Variants in LONRF2 observed in about 807,000 individuals in gnomAD.
LONRF2 encodes LON peptidase N-terminal domain and RING finger protein 2.
LONRF2 carries 35 observed loss-of-function variants against 66.6 expected under a neutral mutation model. The ratio of observed to expected loss-of-function variants is 0.53; its 90% confidence interval spans 0.40 to 0.70. The LOEUF (loss-of-function observed/expected upper bound fraction) is 0.70, where lower values mean the gene tolerates loss of function less well. LONRF2 is among the 30% of genes least tolerant of loss of function. LONRF2 has a pLI of 0.00. For synonymous variants in LONRF2, 417 were observed against 418.1 expected (o/e 1.00, Z 0.03); for missense variants, 902 against 1,002.1 (o/e 0.90, Z 1.35).
At position 100,294,353 on chromosome 2, in the gene LONRF2, T is replaced by C. The variant is rs1675022386; in HGVS notation, c.1633A>G (p.Met545Val). 1.3e-6 allele frequency: 2 copies of C among 1,600,002 alleles called. No homozygotes were observed. The highest frequency in any genetic ancestry group is 2.7e-5 in the African/African-American group (2 of 73,978). ...GGACATGGGACCGTGGGGAAGGCCA[T>C]GGCACACACAAAGATGGGGACGTCT... ...TRDVPIFVCA[M>V]AFPTVPCPLH... The change falls in exon 9 of 12, where the codon ATG (methionine) becomes GTG (valine). Residue 545 changes from methionine to valine, a missense_variant. Met to Val is a conservative substitution (Grantham distance 21). Coordinates refer to ENST00000393437, the MANE Select transcript of LONRF2 (RefSeq NM_198461.4).
chr2:100,282,560 C>G lies in LONRF2; in HGVS notation c.*1738G>C, dbSNP rs956649056. The G allele has an allele frequency of 3.3e-5, 5 of 152,158 alleles. No homozygotes were observed. The highest frequency in any genetic ancestry group is 4.8e-5 in the African/African-American group (2 of 41,428). The allele number at this position is 152,158 out of a possible 1,614,324, so 9.4% of individuals were successfully genotyped here. A position where few individuals can be genotyped will look rare whatever the true frequency, so the allele number is the denominator to read the frequency against. On this transcript the variant is annotated 3_prime_UTR_variant, in exon 12 of 12. Coordinates refer to ENST00000393437, the MANE Select transcript of LONRF2 (RefSeq NM_198461.4). ...CCAATCAATGAATGATTCAGTTATT[C>G]CAATCAAATGATCGGGTTAGGTTAT...
chr2:100,299,991 C>A, intron 4 of LONRF2, 73 bp from the exon 5 acceptor site: 1 of 819,130 alleles, frequency 1.2e-6, no homozygotes, highest in South Asian at 1.7e-5. Context: ...AATGCAGAAG[C>A]CTGTACTAGA....
chr2:100,302,844 A>C, intron 3 of LONRF2, 77 bp downstream of exon 3: 1 of 1,326,996 alleles, frequency 7.5e-7, no homozygotes. Context: ...TTTATTTCAC[A>C]TGCAAGGGTT....
intron 11 of LONRF2, 136 bp downstream of exon 11, chr2:100,286,778 G>T (rs748011597): frequency 2.2e-6 from 2 of 927,306 alleles, no homozygotes; most frequent in Non-Finnish European, 3.2e-6. Context: ...CCTTTGGGCT[G>T]TTAGTAGATG....
chr2:100,319,794 G>A (rs1025338271), intron 1 of LONRF2, among the ~76,000 whole-genome samples: 8 of 152,132 alleles, frequency 5.3e-5, no homozygotes, highest in South Asian at 2.1e-4. Context: ...CTCTAACAAT[G>A]ACATACACTC....
At position 100,321,378 on chromosome 2, in the gene LONRF2, G is replaced by T. The variant is rs539117094; in HGVS notation, c.679+37C>A. 1.1e-4 allele frequency: 156 copies of T among 1,396,846 alleles called. No homozygotes were observed. In the South Asian group the frequency reaches 2.3e-3, roughly 21 times the overall value. The allele number at this position is 1,396,846 out of a possible 1,614,324, so 86.5% of individuals were successfully genotyped here. A position where few individuals can be genotyped will look rare whatever the true frequency, so the allele number is the denominator to read the frequency against. ...CCCACCCCGCTGCTGGGCCGGACAG[G>T]TGTAGGGGAGGCGGACCCGCCCCGC... On this transcript the variant is annotated intron_variant, in intron 1 of 11. Coordinates refer to ENST00000393437, the MANE Select transcript of LONRF2 (RefSeq NM_198461.4).
chr2:100,305,856 TG>T (rs1451610534), intron 2 of LONRF2, among the ~76,000 whole-genome samples: 1 of 152,156 alleles, frequency 6.6e-6, no homozygotes, highest in Non-Finnish European at 1.5e-5. Flanking sequence ...TTACATAATT[TG>T]GAAAGTCTGT....
In LONRF2 at chr2:100,281,943, G is replaced by A; in HGVS notation, c.*2355C>T. Reference sequence around the variant, plus strand: ...CTTCATGATATGACCGTAGGATGCTGTCACCCTGACCCGGTTCCTGATGCG... The same window carrying A: ...CTTCATGATATGACCGTAGGATGCTATCACCCTGACCCGGTTCCTGATGCG... On this transcript the variant is annotated 3_prime_UTR_variant, in exon 12 of 12. Coordinates refer to ENST00000393437, the MANE Select transcript of LONRF2 (RefSeq NM_198461.4). The A allele has an allele frequency of 6.6e-6, 1 of 151,650 alleles. No individual in the cohort carries two copies. The highest frequency in any genetic ancestry group is 2.4e-5 in the African/African-American group (1 of 41,282). The allele number at this position is 151,650 out of a possible 1,614,324, so 9.4% of individuals were successfully genotyped here. A position where few individuals can be genotyped will look rare whatever the true frequency, so the allele number is the denominator to read the frequency against.
Position 100,295,517 on chromosome 2 carries a change from C to T in LONRF2, c.1513G>A (p.Ala505Thr), listed in dbSNP as rs1356473239. Residue 505 changes from alanine (A) to threonine (T), a missense_variant, in exon 8 of 12, where the codon GCC becomes ACC. Physicochemically the swap from Ala to Thr is moderately conservative, Grantham distance 58. Coordinates refer to ENST00000393437, the MANE Select transcript of LONRF2 (RefSeq NM_198461.4). Reference protein sequence around the residue: ...ASRNFNITVLAEELIFRYLPD... With the variant: ...ASRNFNITVLTEELIFRYLPD... ...AAATATCGAAATATTAATTCTTCGG[C>T]CAGAACAGTTATGTTAAAGTTTCTG... 14 of 1,613,384 alleles carry T rather than the reference C, an allele frequency of 8.7e-6. No individual in the cohort carries two copies. Among genetic ancestry groups the T allele is most frequent in the Non-Finnish European group, 1.2e-5 (14 of 1,179,776 alleles).
intron 7 of LONRF2, among the ~76,000 whole-genome samples, chr2:100,295,831 A>G (rs1675055664): frequency 6.6e-6 from 1 of 152,184 alleles, no homozygotes; most frequent in Non-Finnish European, 1.5e-5. Flanking sequence ...TGTTGGTGAG[A>G]GGGGAGGAAG....
intron 2 of LONRF2, among the ~76,000 whole-genome samples, chr2:100,307,977 GATTTCTGAGCTTAGTCCAACAA>G (rs1321547607): frequency 3.3e-5 from 5 of 152,296 alleles, no homozygotes; most frequent in Admixed American, 2.6e-4. Context: ...CAACAAAATA[GATTTCTGAGCTTAGTCCAACAA>G]ACATCTGCTT....
At position 100,294,356 on chromosome 2, in the gene LONRF2, C is replaced by T. The variant is rs1675022471; in HGVS notation, c.1630G>A (p.Ala544Thr). The T allele has an allele frequency of 6.3e-7, 1 of 1,598,852 alleles. No homozygotes were observed. Among genetic ancestry groups the T allele is most frequent in the African/African-American group, 1.4e-5 (1 of 73,892 alleles). Residue 544 changes from alanine (A) to threonine (T), a missense_variant, in exon 9 of 12, where the codon GCC becomes ACC. Around this residue, in one of 2 missense-constraint regions of LONRF2, gnomAD observed 317 missense variants for 432.2 expected, o/e 0.73. Transcript: ENST00000393437. ...CATGGGACCGTGGGGAAGGCCATGG[C>T]ACACACAAAGATGGGGACGTCTCTG... ...LTRDVPIFVC[A>T]MAFPTVPCPL...
intron 9 of LONRF2, among the ~76,000 whole-genome samples, 154 bp from the exon 10 acceptor site, chr2:100,290,574 G>T (rs913816244): frequency 1.5e-4 from 23 of 152,176 alleles, no homozygotes; most frequent in Non-Finnish European, 2.9e-5. Flanking sequence ...TAAGAGACAC[G>T]TGCACATGGT....
intron 10 of LONRF2, among the ~76,000 whole-genome samples, chr2:100,287,433 T>C (rs1193192954): frequency 1.3e-5 from 2 of 152,194 alleles, no homozygotes; most frequent in Non-Finnish European, 2.9e-5. Flanking sequence ...ATATAAACAT[T>C]TATGGAAAAG....
chr2:100,316,895 C>T (rs1675520118), intron 1 of LONRF2, among the ~76,000 whole-genome samples: 1 of 152,142 alleles, frequency 6.6e-6, no homozygotes. Flanking sequence ...TATTATTACA[C>T]ATTTTTTTTC....
In LONRF2 at chr2:100,321,767, G is replaced by T; in HGVS notation, c.327C>A (p.Arg109=). The change falls in exon 1 of 12, where the codon CGC becomes CGA. Residue 109 remains arginine, a synonymous_variant. Transcript: ENST00000393437. The part of the protein sequence containing the change: ...AGGLVRAVGL[R]DRPLSAENPG... ...GGTTCTCCGCGGACAGCGGCCGGTC[G>T]CGCAGGCCCACGGCGCGCACCAGGC... The T allele has an allele frequency of 9.6e-7, 1 of 1,037,794 alleles. No homozygotes were observed. Among genetic ancestry groups the T allele is most frequent in the Non-Finnish European group, 1.2e-6 (1 of 866,922 alleles). The allele number at this position is 1,037,794 out of a possible 1,614,324, so 64.3% of individuals were successfully genotyped here. A position where few individuals can be genotyped will look rare whatever the true frequency, so the allele number is the denominator to read the frequency against.
chr2:100,285,276 C>G (rs1674821744), intron 11 of LONRF2, among the ~76,000 whole-genome samples: 1 of 152,186 alleles, frequency 6.6e-6, no homozygotes, highest in South Asian at 2.1e-4. Context: ...CTAGGAATAG[C>G]ACTGTGGCCA....
At chr2:100,316,452 AT>A (rs1675510702) in intron 1 of LONRF2, among the ~76,000 whole-genome samples, 1 of 151,456 alleles carries the variant, frequency 6.6e-6, no homozygotes, top group African/African-American at 2.4e-5. Context: ...TTATATAAAA[AT>A]ATATTGCTTA....
At position 100,309,232 on chromosome 2, in the gene LONRF2, G is replaced by T; in HGVS notation, c.680-7C>A. 6.4e-7 allele frequency: 1 copy of T among 1,563,742 alleles called. No individual in the cohort carries two copies. The highest frequency in any genetic ancestry group is 8.7e-7 in the Non-Finnish European group (1 of 1,146,784). On this transcript the variant is annotated splice_region_variant and splice_polypyrimidine_tract_variant and intron_variant, in intron 1 of 11. Transcript: ENST00000393437. ...AATGAATTATCATCAGGAGCTGAAA[G>T]ACAGGAGGAATACAAATCAATAAAA...
Sources: allele counts gnomAD v4.1 joint callset (sites outside exome capture counted in the v4.1 genomes callset), GRCh38; gene constraint gnomAD v4.1.1; regional missense constraint gnomAD v4.1.1; transcripts MANE v1.5; gene names NCBI Gene and HGNC (gene_info 2026-07-23, HGNC 2026-07-21).